The following PLEKHG1 variants were observed in gnomAD, a reference collection of about 807,000 sequenced individuals.
PLEKHG1 encodes pleckstrin homology and RhoGEF domain containing G1, also known as pleckstrin homology domain-containing family G member 1.
PLEKHG1 carries 44 observed loss-of-function variants against 100.8 expected under a neutral mutation model. That is an observed-to-expected ratio of 0.44 (90% CI 0.34 to 0.56). The LOEUF is 0.56. PLEKHG1 is among the 20% of genes least tolerant of loss of function. The pLI is 0.01. For synonymous variants in PLEKHG1, 640 were observed against 662.5 expected (o/e 0.97, Z 0.52); for missense variants, 1,545 against 1,720.9 (o/e 0.90, Z 1.81).
chr6:150,608,496 A>G (rs1186846410), intron 1 of PLEKHG1, among the ~76,000 whole-genome samples: 1 of 152,266 alleles, frequency 6.6e-6, no homozygotes, highest in Non-Finnish European at 1.5e-5. Context: ...GGCTAAAGTC[A>G]TAACAGCTAG....
chr6:150,627,797 G>A (rs73002195), intron 1 of PLEKHG1, among the ~76,000 whole-genome samples: 11,421 of 152,174 alleles, frequency 0.075, 536 homozygotes, highest in Non-Finnish European at 0.1. Flanking sequence ...ATTAGGAAAG[G>A]TTTCCATCAC....
intron 3 of PLEKHG1, among the ~76,000 whole-genome samples, chr6:150,671,547 C>G (rs1779582128): frequency 6.6e-6 from 1 of 152,216 alleles, no homozygotes; most frequent in Admixed American, 6.5e-5. Flanking sequence ...TATGGAAGGA[C>G]TCCATATGCC....
At chr6:150,703,812 T>C (rs1582971831) in intron 3 of PLEKHG1, among the ~76,000 whole-genome samples, 1 of 152,340 alleles carries the variant, frequency 6.6e-6, no homozygotes, top group South Asian at 2.1e-4. Context: ...CTCCAGTGAA[T>C]ATGCTGTTTT....
intron 3 of PLEKHG1, among the ~76,000 whole-genome samples, chr6:150,674,492 C>A (rs979844773): frequency 1.3e-5 from 2 of 152,044 alleles, no homozygotes; most frequent in African/African-American, 4.8e-5. Flanking sequence ...ATTATATCCA[C>A]CTAAATGAAG....
chr6:150,625,544 G>A (rs922717226), intron 1 of PLEKHG1, among the ~76,000 whole-genome samples: 2 of 152,068 alleles, frequency 1.3e-5, no homozygotes, highest in Non-Finnish European at 2.9e-5. Context: ...CCAGGCTGGA[G>A]TGCAGTGGTG....
intron 3 of PLEKHG1, among the ~76,000 whole-genome samples, chr6:150,699,484 T>C (rs895140090): frequency 6.6e-6 from 1 of 152,206 alleles, no homozygotes; most frequent in Non-Finnish European, 1.5e-5. Flanking sequence ...GAAGAGACAT[T>C]TTAGACTCTG....
chr6:150,672,371 C>G (rs148493017), intron 3 of PLEKHG1, among the ~76,000 whole-genome samples: 4 of 152,186 alleles, frequency 2.6e-5, no homozygotes, highest in Non-Finnish European at 5.9e-5. Context: ...GTTGCTGCTA[C>G]CTCCTCTGCT....
chr6:150,632,050 C>T (rs982809281), intron 1 of PLEKHG1, among the ~76,000 whole-genome samples: 7 of 152,096 alleles, frequency 4.6e-5, no homozygotes, highest in African/African-American at 1.2e-4. Context: ...AACAAGCACG[C>T]GGCATTTGGC....
intron 2 of PLEKHG1, among the ~76,000 whole-genome samples, chr6:150,647,127 G>A (rs1009860745): frequency 1.3e-5 from 2 of 152,160 alleles, no homozygotes; most frequent in Non-Finnish European, 2.9e-5. Context: ...GGGTCTTTGT[G>A]TAGTCAGTAT....
upstream of PLEKHG1, among the ~76,000 whole-genome samples, chr6:150,718,737 G>T (rs1770407231): frequency 6.6e-6 from 1 of 151,974 alleles, no homozygotes; most frequent in Non-Finnish European, 1.5e-5. Context: ...CAAAGTGCTG[G>T]GATTATAGGC....
chr6:150,766,014 A>C (rs979273731), intron 2 of PLEKHG1, among the ~76,000 whole-genome samples: 1 of 152,200 alleles, frequency 6.6e-6, no homozygotes, highest in Non-Finnish European at 1.5e-5. Context: ...TATTACAAGG[A>C]ATGAAAAAGT....
intron 1 of PLEKHG1, among the ~76,000 whole-genome samples, chr6:150,603,097 A>AAAG (rs1776432501): frequency 1.3e-5 from 2 of 150,750 alleles, no homozygotes; most frequent in Non-Finnish European, 3.0e-5. Context: ...AAAAAAATAA[A>AAAG]AAAAAAGAAA....
chr6:150,690,761 C>T (rs1011202995), intron 3 of PLEKHG1, among the ~76,000 whole-genome samples: 2 of 152,210 alleles, frequency 1.3e-5, no homozygotes, highest in Admixed American at 6.5e-5. Flanking sequence ...CAGGAACAAA[C>T]ATTTGCACGT....
intron 3 of PLEKHG1, among the ~76,000 whole-genome samples, chr6:150,705,452 G>T (rs1215329521): frequency 6.6e-6 from 1 of 152,224 alleles, no homozygotes; most frequent in Non-Finnish European, 1.5e-5. Context: ...AAAGCGGCGG[G>T]GACCGCCTGT....
intron 3 of PLEKHG1, among the ~76,000 whole-genome samples, chr6:150,671,120 C>A (rs1235397670): frequency 6.6e-6 from 1 of 150,464 alleles, no homozygotes; most frequent in Admixed American, 6.6e-5. Flanking sequence ...TACACACACA[C>A]ACCAGTTTAT....
intron 2 of PLEKHG1, among the ~76,000 whole-genome samples, chr6:150,645,893 A>G (rs148755222): frequency 6.6e-6 from 1 of 152,336 alleles, no homozygotes; most frequent in East Asian, 1.9e-4. Flanking sequence ...GATAAATACA[A>G]TGTAGAATCT....
chr6:150,613,055 C>T (rs946632220), intron 1 of PLEKHG1, among the ~76,000 whole-genome samples: 1 of 152,210 alleles, frequency 6.6e-6, no homozygotes, highest in Non-Finnish European at 1.5e-5. Flanking sequence ...CTGTCTTGCT[C>T]TTTCTGATCT....
intron 3 of PLEKHG1, among the ~76,000 whole-genome samples, chr6:150,781,601 A>C (rs1293212928): frequency 6.6e-6 from 1 of 152,142 alleles, no homozygotes; most frequent in African/African-American, 2.4e-5. Flanking sequence ...AGAGAGCTGA[A>C]CTTTTTTTTT....
intron 6 of PLEKHG1, 69 bp from the exon 8 acceptor site, chr6:150,804,541 C>T (rs1184197328): frequency 8.1e-7 from 1 of 1,239,918 alleles, no homozygotes; most frequent in Non-Finnish European, 1.1e-6. Flanking sequence ...CATAGCGGTG[C>T]CATTTGTTTC....
Sources: allele counts gnomAD v4.1 joint callset (sites outside exome capture counted in the v4.1 genomes callset), GRCh38; gene constraint gnomAD v4.1.1; transcripts MANE v1.5; gene names NCBI Gene and HGNC (gene_info 2026-07-23, HGNC 2026-07-21).